The following TTLL5 variants were observed in gnomAD, a reference collection of about 807,000 sequenced individuals.
TTLL5 encodes tubulin polyglutamylase TTLL5.
In TTLL5, 132 loss-of-function variants were observed where a neutral mutation model predicts 168.4. The observed-to-expected ratio is 0.78, with a 90% CI of 0.68 to 0.91. The LOEUF is 0.91. Among genes scored for constraint, TTLL5 ranks in the 40% least tolerant of loss-of-function variants. The pLI is 0.00. For missense variants in TTLL5, 1,545 were observed against 1,581.5 expected (o/e 0.98, Z 0.39); for synonymous variants, 546 against 558.6 (o/e 0.98, Z 0.32).
intron 24 of TTLL5, among the ~76,000 whole-genome samples, chr14:75,780,900 G>A (rs1892008940): frequency 6.6e-6 from 1 of 151,988 alleles, no homozygotes; most frequent in African/African-American, 2.4e-5. Context: ...TATGTGTTAG[G>A]CATTTTCATG....
intron 31 of TTLL5, chr14:75,904,039 C>T: frequency 3.5e-6 from 4 of 1,130,414 alleles, no homozygotes; most frequent in Non-Finnish European, 4.4e-6. Context: ...CGGGCCACTA[C>T]TACCTCATAA....
chr14:75,862,170 C>T (rs78456734), intron 28 of TTLL5, among the ~76,000 whole-genome samples: 2,363 of 152,308 alleles, frequency 0.016, 82 homozygotes, highest in African/African-American at 0.054. Context: ...TGTACATGTG[C>T]TGCAGCATAT....
At chr14:75,948,806 T>C (rs530673850) in intron 31 of TTLL5, among the ~76,000 whole-genome samples, 1 of 152,332 alleles carries the variant, frequency 6.6e-6, no homozygotes, top group South Asian at 2.1e-4. Context: ...AATAACTTTA[T>C]GATGACATGC....
intron 31 of TTLL5, among the ~76,000 whole-genome samples, chr14:75,943,263 A>G (rs2034668862): frequency 6.6e-6 from 1 of 152,160 alleles, no homozygotes; most frequent in African/African-American, 2.4e-5. Flanking sequence ...GGCAGGATGT[A>G]AGGGACAATA....
intron 17 of TTLL5, among the ~76,000 whole-genome samples, chr14:75,746,382 C>G (rs1381818673): frequency 6.6e-6 from 1 of 152,108 alleles, no homozygotes; most frequent in East Asian, 1.9e-4. Context: ...GCCGCTGTGA[C>G]CATTCATGTA....
chr14:75,733,881 C>A, intron 13 of TTLL5, 108 bp from the exon 14 acceptor site: 1 of 996,698 alleles, frequency 1.0e-6, no homozygotes, highest in Non-Finnish European at 1.5e-6. Context: ...TTATGTGTTG[C>A]TCTTCATTGA....
At chr14:75,768,557 G>T (rs964859230) in intron 20 of TTLL5, among the ~76,000 whole-genome samples, 1 of 151,946 alleles carries the variant, frequency 6.6e-6, no homozygotes, top group Non-Finnish European at 1.5e-5. Flanking sequence ...AGGATTTGAG[G>T]ATAAGAGGAT....
chr14:75,734,135 T>C, intron 14 of TTLL5, 85 bp downstream of exon 14: 1 of 1,295,344 alleles, frequency 7.7e-7, no homozygotes, highest in Non-Finnish European at 1.1e-6. Flanking sequence ...TTTTGCCAAC[T>C]GGCAGGTCCT....
chr14:75,788,983 TAAAG>T (rs1380653428), intron 26 of TTLL5, among the ~76,000 whole-genome samples: 2 of 152,120 alleles, frequency 1.3e-5, no homozygotes, highest in East Asian at 1.9e-4. Context: ...GTAAATATAA[TAAAG>T]AAAAAACCAT....
At chr14:75,925,736 G>A (rs933237316) in intron 31 of TTLL5, among the ~76,000 whole-genome samples, 2 of 151,968 alleles carry the variant, frequency 1.3e-5, no homozygotes, top group African/African-American at 4.9e-5. Flanking sequence ...CCGAGATCAC[G>A]CCACTGCACT....
At position 75,954,853 on chromosome 14, in the gene TTLL5, A is replaced by G. The variant is rs1005941749; in HGVS notation, c.*407A>G. 66 of 176,024 alleles carry G rather than the reference A, an allele frequency of 3.7e-4. No homozygotes were observed. Among genetic ancestry groups the G allele is most frequent in the African/African-American group, 1.4e-3 (61 of 42,396 alleles). 10.9% of individuals were successfully genotyped at this position (176,024 alleles called of 1,614,324 possible). A position where few individuals can be genotyped will look rare whatever the true frequency, so the allele number is the denominator to read the frequency against. On this transcript the variant is annotated 3_prime_UTR_variant, in exon 32 of 32. Coordinates refer to ENST00000298832, the MANE Select transcript of TTLL5 (RefSeq NM_015072.5). Reference sequence around the variant, plus strand: ...CATTTTGCTTCCTCTTCTTTTCCAGATTACAGTATGAAGCTTTATTTTCTT... The same window carrying G: ...CATTTTGCTTCCTCTTCTTTTCCAGGTTACAGTATGAAGCTTTATTTTCTT...
At chr14:75,745,414 T>A (rs1275640952) in intron 16 of TTLL5, 76 bp from the exon 17 acceptor site, 1 of 1,447,060 alleles carries the variant, frequency 6.9e-7, no homozygotes, top group African/African-American at 1.4e-5. Context: ...GGGTCATAAC[T>A]ATCTTCCTTT....
At chr14:75,764,473 C>T (rs1006591100) in intron 18 of TTLL5, 142 bp from the exon 19 acceptor site, 1 of 925,156 alleles carries the variant, frequency 1.1e-6, no homozygotes, top group Non-Finnish European at 1.6e-6. Flanking sequence ...TTCTAGTGTT[C>T]CTCTTTATCT....
chr14:75,793,715 G>A (rs1379852507), intron 27 of TTLL5, among the ~76,000 whole-genome samples: 1 of 152,172 alleles, frequency 6.6e-6, no homozygotes, highest in Non-Finnish European at 1.5e-5. Flanking sequence ...TAACAATCTT[G>A]CAACACAGTG....
At chr14:75,738,868 G>A (rs966207771) in intron 15 of TTLL5, among the ~76,000 whole-genome samples, 1 of 152,080 alleles carries the variant, frequency 6.6e-6, no homozygotes, top group Non-Finnish European at 1.5e-5. Flanking sequence ...GCAGTGACGC[G>A]ATCACAGCTC....
At position 75,821,333 on chromosome 14, in the gene TTLL5, C is replaced by G. The variant is rs149924094; in HGVS notation, c.3326+1172C>G. 7.0e-3 allele frequency among the ~76,000 whole-genome samples: 1,061 copies of G among 152,292 alleles called. 8 individuals are homozygous for G. The highest frequency in any genetic ancestry group is 9.6e-3 in the Non-Finnish European group (655 of 68,010). On this transcript the variant is annotated intron_variant, in intron 28 of 31. Coordinates refer to ENST00000298832, the MANE Select transcript of TTLL5 (RefSeq NM_015072.5). Reference sequence around the variant, plus strand: ...ACTTTTTAAAGCAGAGCATCCTCCACACAGTTCTCTCCCCAGGAGAAGTCT... The same window carrying G: ...ACTTTTTAAAGCAGAGCATCCTCCAGACAGTTCTCTCCCCAGGAGAAGTCT...
At chr14:75,812,867 G>A (rs1441961577) in intron 27 of TTLL5, among the ~76,000 whole-genome samples, 1 of 152,104 alleles carries the variant, frequency 6.6e-6, no homozygotes, top group Non-Finnish European at 1.5e-5. Flanking sequence ...AGCTGGGGCT[G>A]GGGCTGGGGC....
chr14:75,776,958 C>T (rs974902796), intron 23 of TTLL5, 108 bp downstream of exon 23: 4 of 907,288 alleles, frequency 4.4e-6, no homozygotes, highest in Admixed American at 5.2e-5. Flanking sequence ...AATGAAATCA[C>T]TCTTAAAGCC....
At chr14:75,791,129 A>C (rs1255770629) in intron 26 of TTLL5, among the ~76,000 whole-genome samples, 1 of 138,754 alleles carries the variant, frequency 7.2e-6, no homozygotes, top group Non-Finnish European at 1.6e-5. Flanking sequence ...AAAAAATACC[A>C]CTTTGGTATT....
Sources: gnomAD v4.1 joint callset for allele counts (sites outside exome capture counted in the v4.1 genomes callset) on GRCh38, gnomAD v4.1.1 for gene constraint, MANE v1.5 for transcripts, NCBI Gene and HGNC (gene_info 2026-07-23, HGNC 2026-07-21) for gene names.